TEX36: variants seen among roughly 807,000 people sequenced by gnomAD.
TEX36 encodes testis-expressed protein 36.
TEX36 carries 12 observed loss-of-function variants against 13.6 expected under a neutral mutation model. The observed-to-expected ratio is 0.88, with a 90% confidence interval of 0.56 to 1.43. TEX36 has a LOEUF of 1.43. Ranked by LOEUF, TEX36 falls within the 40% of genes most tolerant of loss-of-function variation. TEX36 has a pLI of 0.00. For missense variants in TEX36, 224 were observed against 228.3 expected, an observed-to-expected ratio of 0.98 and a Z score of 0.12; for synonymous variants, 93 against 83.0, an observed-to-expected ratio of 1.12 and a Z score of -0.65.
chr10:125,591,017 C>T (rs966829267), intron 3 of TEX36, among the ~76,000 whole-genome samples: 25 of 152,142 alleles, frequency 1.6e-4, no homozygotes, highest in African/African-American at 5.3e-4. Flanking sequence ...ACAACGGGCC[C>T]TGCCTGCACT....
At chr10:125,625,234 T>C (rs1237212479) in intron 3 of TEX36, among the ~76,000 whole-genome samples, 1 of 152,124 alleles carries the variant, frequency 6.6e-6, no homozygotes, top group Non-Finnish European at 1.5e-5. Context: ...CAGCCCTGGG[T>C]CTAAGCCCAG....
chr10:125,597,632 G>A (rs895360455), intron 3 of TEX36, among the ~76,000 whole-genome samples: 5 of 152,220 alleles, frequency 3.3e-5, no homozygotes, highest in African/African-American at 1.2e-4. Flanking sequence ...TTTGCAATTG[G>A]TCAAGGAAGC....
intron 3 of TEX36, among the ~76,000 whole-genome samples, chr10:125,606,843 A>G (rs1846221554): frequency 6.6e-6 from 1 of 152,142 alleles, no homozygotes; most frequent in Admixed American, 6.5e-5. Context: ...TGAAATCCTC[A>G]CAATAATTAC....
chr10:125,592,298 G>T (rs897909363), intron 3 of TEX36, among the ~76,000 whole-genome samples: 1 of 152,214 alleles, frequency 6.6e-6, no homozygotes. Context: ...ACGTGCGTTA[G>T]GCCACCAGGG....
chr10:125,658,327 A>C (rs1846979232), intron 3 of TEX36, among the ~76,000 whole-genome samples: 1 of 152,142 alleles, frequency 6.6e-6, no homozygotes, highest in African/African-American at 2.4e-5. Flanking sequence ...TATAAAGAGA[A>C]ACACTTCATA....
Position 125,683,049 on chromosome 10 carries a change from A to T in TEX36, c.-60T>A. On this transcript the variant is annotated 5_prime_UTR_variant, in exon 1 of 4. The change abolishes an upstream ATG in the 5' untranslated region. Coordinates refer to ENST00000368821, the MANE Select transcript of TEX36 (RefSeq NM_001128202.3). ...TCCCTCACCTCTCCATAAGCTCTACATGTCTGGGAAGCTGCTTCCTAAACT... is the reference window on the plus strand; with the variant it reads ...TCCCTCACCTCTCCATAAGCTCTACTTGTCTGGGAAGCTGCTTCCTAAACT... The T allele has an allele frequency of 6.5e-7, 1 of 1,535,442 alleles. No individual in the cohort carries two copies.
At chr10:125,635,701 C>T (rs915713513) in intron 3 of TEX36, among the ~76,000 whole-genome samples, 4 of 152,154 alleles carry the variant, frequency 2.6e-5, no homozygotes, top group African/African-American at 9.7e-5. Context: ...GGGGCTCTGC[C>T]TGCTTTCTCA....
At position 125,661,886 on chromosome 10, in the gene TEX36, G is replaced by C; in HGVS notation, c.143C>G (p.Ala48Gly). 1 of 1,552,110 alleles carries C rather than the reference G, an allele frequency of 6.4e-7. No individual in the cohort carries two copies. Among genetic ancestry groups the C allele is most frequent in the African/African-American group, 1.4e-5 (1 of 73,170 alleles). Residue 48 changes from alanine to glycine, a missense_variant, in exon 2 of 4, where the codon GCG becomes GGG. Ala to Gly is a moderately conservative substitution (Grantham distance 60). Coordinates refer to ENST00000368821, the MANE Select transcript of TEX36 (RefSeq NM_001128202.3). The part of the protein sequence containing the change: ...EPQSPHLPRQ[A>G]EGKLPPIYKV... ...GTATATGGGCGGCAGCTTCCCCTCC[G>C]CTTGCCGAGGCAAGTGTGGACTCTG...
At position 125,635,063 on chromosome 10, in the gene TEX36, A is replaced by G. The variant is rs908744813; in HGVS notation, c.265-13418T>C. Among the ~76,000 whole-genome samples, 12 of 152,316 alleles carry G rather than the reference A, an allele frequency of 7.9e-5. No homozygotes were observed. In the East Asian group the frequency reaches 2.3e-3, roughly 29 times the overall value. On this transcript the variant is annotated intron_variant, in intron 3 of 3. Coordinates refer to the TEX36 transcript ENST00000526819. Reference sequence around the variant, plus strand: ...TAAGGCCACACCAGACGCATTGCCAACCTAAAATTCCTTGGTTTTCTGGGA... The same window carrying G: ...TAAGGCCACACCAGACGCATTGCCAGCCTAAAATTCCTTGGTTTTCTGGGA...
chr10:125,676,815 A>G (rs1304140750), intron 1 of TEX36, among the ~76,000 whole-genome samples: 1 of 151,984 alleles, frequency 6.6e-6, no homozygotes, highest in Non-Finnish European at 1.5e-5. Flanking sequence ...ATACTTTTGT[A>G]TGTTTTCATG....
intron 3 of TEX36, among the ~76,000 whole-genome samples, chr10:125,608,960 C>T (rs1846251966): frequency 7.1e-6 from 1 of 141,838 alleles, no homozygotes; most frequent in South Asian, 2.3e-4. Context: ...CATGGTGAAA[C>T]CCCACCTCTA....
rs1453886708 is a variant in TEX36 at position 125,647,984 on chromosome 10, G to A, written c.264+13037C>T. ...GGCATCCACCATTGCTGAGGCTTGA[G>A]TAGGTAAACAAAGCATCGGGAAGCT... On this transcript the variant is annotated intron_variant, in intron 3 of 3. Coordinates refer to the TEX36 transcript ENST00000526819. Among the ~76,000 whole-genome samples the A allele has an allele frequency of 2.6e-5, 4 of 152,228 alleles. No individual in the cohort carries two copies. In the East Asian group the frequency reaches 7.7e-4, roughly 29 times the overall value.
chr10:125,661,255 G>T (rs7073875), intron 2 of TEX36, among the ~76,000 whole-genome samples, 154 bp from the exon 3 acceptor site: 1 of 152,180 alleles, frequency 6.6e-6, no homozygotes, highest in South Asian at 2.1e-4. Context: ...AGACACAGGA[G>T]GGGGAGGATA....
intron 1 of TEX36, among the ~76,000 whole-genome samples, chr10:125,669,563 G>T (rs925230398): frequency 6.6e-6 from 1 of 151,602 alleles, no homozygotes; most frequent in South Asian, 2.1e-4. Context: ...TTTGTTTTAA[G>T]AATTTTTTAA....
intron 3 of TEX36, among the ~76,000 whole-genome samples, chr10:125,657,171 G>A (rs932182464): frequency 2.0e-5 from 3 of 152,330 alleles, no homozygotes; most frequent in Non-Finnish European, 2.9e-5. Context: ...TAGATTTCAC[G>A]TCAGTAAAGT....
intron 3 of TEX36, among the ~76,000 whole-genome samples, chr10:125,579,257 T>A (rs996540897): frequency 6.6e-6 from 1 of 152,196 alleles, no homozygotes; most frequent in Non-Finnish European, 1.5e-5. Context: ...TGAGAAGGCC[T>A]CAGGAAACTT....
intron 3 of TEX36, chr10:125,640,047 G>T (rs1223584112): frequency 6.0e-6 from 3 of 502,040 alleles, no homozygotes; most frequent in East Asian, 1.5e-4. Context: ...GTAGTATTCC[G>T]CTGTGGTCAC....
intron 3 of TEX36, among the ~76,000 whole-genome samples, chr10:125,647,813 C>T (rs185020902): frequency 2.2e-4 from 34 of 152,308 alleles, no homozygotes; most frequent in East Asian, 1.2e-3. Context: ...CATAATACTG[C>T]GCTTTTCCAA....
At chr10:125,635,297 C>T (rs1024013128) in intron 3 of TEX36, among the ~76,000 whole-genome samples, 2 of 152,188 alleles carry the variant, frequency 1.3e-5, no homozygotes, top group Admixed American at 1.3e-4. Flanking sequence ...GCATCTAGCA[C>T]TTTGAAAAAC....
Sources: gnomAD v4.1 joint callset for allele counts (sites outside exome capture counted in the v4.1 genomes callset) on GRCh38, gnomAD v4.1.1 for gene constraint, MANE v1.5 for transcripts, NCBI Gene and HGNC (gene_info 2026-07-23, HGNC 2026-07-21) for gene names.